RRP15: variants seen among roughly 807,000 people sequenced by gnomAD.
RRP15 encodes RRP15-like protein.
A neutral mutation model predicts 27.1 loss-of-function variants in RRP15; 18 were observed. That is an observed-to-expected ratio of 0.66 (90% CI 0.46 to 0.98). RRP15 has a LOEUF of 0.98. Among genes scored for constraint, RRP15 ranks in the 50% least tolerant of loss-of-function variants. RRP15 has a pLI of 0.00. For missense variants in RRP15, 359 were observed against 337.8 expected, an observed-to-expected ratio of 1.06 and a Z score of -0.49; for synonymous variants, 107 against 109.4, an observed-to-expected ratio of 0.98 and a Z score of 0.14.
rs191010637 is a variant in RRP15 at position 218,311,226 on chromosome 1, A to G, written c.705+3594A>G. Among the ~76,000 whole-genome samples, 16 of 152,280 alleles carry G rather than the reference A, an allele frequency of 1.1e-4. No homozygotes were observed. In the East Asian group the frequency reaches 3.1e-3, roughly 29 times the overall value. On this transcript the variant is annotated intron_variant, in intron 4 of 4. Transcript: ENST00000366932. ...TCTGGTATTTACCTCCATATCTTAAATAATATTTACACTATTTCTTTATCA... is the reference window on the plus strand; with the variant it reads ...TCTGGTATTTACCTCCATATCTTAAGTAATATTTACACTATTTCTTTATCA...
intron 4 of RRP15, among the ~76,000 whole-genome samples, chr1:218,327,364 A>AACCT (rs1391741166): frequency 6.6e-6 from 1 of 152,108 alleles, no homozygotes; most frequent in Admixed American, 6.5e-5. Context: ...GCTGGAGTGC[A>AACCT]GTGGTGTGAT....
At chr1:218,285,578 G>A in intron 1 of RRP15, 123 bp downstream of exon 1, 1 of 1,297,696 alleles carries the variant, frequency 7.7e-7, no homozygotes, top group Non-Finnish European at 1.1e-6. Flanking sequence ...CCACTTCAGA[G>A]GGGCGACTTT....
At position 218,334,512 on chromosome 1, in the gene RRP15, C is replaced by G. The variant is rs1420368981; in HGVS notation, c.*3421C>G. The G allele has an allele frequency of 1.3e-5, 2 of 152,128 alleles. No homozygotes were observed. 9.4% of individuals were successfully genotyped at this position (152,128 alleles called of 1,614,324 possible). A position where few individuals can be genotyped will look rare whatever the true frequency, so the allele number is the denominator to read the frequency against. On this transcript the variant is annotated 3_prime_UTR_variant, in exon 5 of 5. Transcript: ENST00000366932. ...GTGCTAACTTGAAGGAATTTAACTT[C>G]AAGGAAAGTTGACTGATGAAGTTTA... is the stretch of plus-strand genomic sequence containing the variant.
intron 4 of RRP15, among the ~76,000 whole-genome samples, chr1:218,316,290 A>G (rs1656088724): frequency 6.6e-6 from 1 of 152,194 alleles, no homozygotes; most frequent in Non-Finnish European, 1.5e-5. Flanking sequence ...CTATATGAAT[A>G]AATGTGCTAT....
intron 4 of RRP15, among the ~76,000 whole-genome samples, chr1:218,326,133 C>T (rs1325838369): frequency 6.6e-6 from 1 of 152,064 alleles, no homozygotes; most frequent in Non-Finnish European, 1.5e-5. Flanking sequence ...GGTGAAACCC[C>T]ATCTTTACTA....
At chr1:218,322,832 C>T (rs562516950) in intron 4 of RRP15, among the ~76,000 whole-genome samples, 7 of 152,274 alleles carry the variant, frequency 4.6e-5, no homozygotes, top group African/African-American at 1.7e-4. Flanking sequence ...GCCCACTCAG[C>T]CTGGCAGTCT....
chr1:218,295,766 A>G (rs965553095), intron 1 of RRP15, among the ~76,000 whole-genome samples: 22 of 152,200 alleles, frequency 1.4e-4, no homozygotes, highest in Admixed American at 1.4e-3. Flanking sequence ...GGCTCAGGAA[A>G]CAGACTACTT....
intron 1 of RRP15, among the ~76,000 whole-genome samples, chr1:218,295,949 T>C (rs1342091614): frequency 6.6e-6 from 1 of 152,148 alleles, no homozygotes; most frequent in Non-Finnish European, 1.5e-5. Flanking sequence ...CAATTTTGAA[T>C]ATTCTAAATT....
At chr1:218,330,882 T>C (rs1161855601) in intron 4 of RRP15, 66 bp from the exon 5 acceptor site, 2 of 1,452,508 alleles carry the variant, frequency 1.4e-6, no homozygotes, top group East Asian at 2.3e-5. Context: ...TTTTGTAGCT[T>C]GTACCTTTTT....
Position 218,337,764 on chromosome 1 carries a change from T to A in RRP15, c.*6673T>A, listed in dbSNP as rs1375898808. 1 of 152,192 alleles carries A rather than the reference T, an allele frequency of 6.6e-6. No homozygotes were observed. The highest frequency in any genetic ancestry group is 1.5e-5 in the Non-Finnish European group (1 of 68,014). The allele number at this position is 152,192 out of a possible 1,614,324, so 9.4% of individuals were successfully genotyped here. A position where few individuals can be genotyped will look rare whatever the true frequency, so the allele number is the denominator to read the frequency against. On this transcript the variant is annotated 3_prime_UTR_variant, in exon 5 of 5. Transcript: ENST00000366932. ...TATTTTTTGCTTACTTATTCTGTTC[T>A]AGAATCCAAACTCTACATACTGTTT...
Position 218,333,313 on chromosome 1 carries a change from C to T in RRP15, c.*2222C>T, listed in dbSNP as rs763310096. The T allele has an allele frequency of 3.9e-5, 6 of 151,948 alleles. No individual in the cohort carries two copies. Among genetic ancestry groups the T allele is most frequent in the Non-Finnish European group, 8.8e-5 (6 of 67,988 alleles). The allele number at this position is 151,948 out of a possible 1,614,324, so 9.4% of individuals were successfully genotyped here. A position where few individuals can be genotyped will look rare whatever the true frequency, so the allele number is the denominator to read the frequency against. On this transcript the variant is annotated 3_prime_UTR_variant, in exon 5 of 5. Coordinates refer to ENST00000366932, the MANE Select transcript of RRP15 (RefSeq NM_016052.4). Reference sequence around the variant, plus strand: ...TGCATCTTGGGTATTAAGCAAAATACCATATGTATAAATATGAAACCAGGA... The same window carrying T: ...TGCATCTTGGGTATTAAGCAAAATATCATATGTATAAATATGAAACCAGGA...
chr1:218,315,759 A>T (rs1558209340), intron 4 of RRP15, among the ~76,000 whole-genome samples: 1 of 151,868 alleles, frequency 6.6e-6, no homozygotes. Context: ...CCTGGCCAGG[A>T]TTTAGCTTTT....
intron 2 of RRP15, 177 bp downstream of exon 2, chr1:218,302,736 G>T (rs1207913028): frequency 2.1e-6 from 2 of 960,544 alleles, no homozygotes; most frequent in Non-Finnish European, 3.0e-6. Flanking sequence ...ATTCCATTGA[G>T]CATGTTCACT....
intron 1 of RRP15, among the ~76,000 whole-genome samples, chr1:218,299,191 A>C (rs1299062175): frequency 2.6e-5 from 4 of 152,078 alleles, no homozygotes; most frequent in Non-Finnish European, 5.9e-5. Flanking sequence ...TGGCATTTTT[A>C]ATTTGTTCAT....
intron 4 of RRP15, among the ~76,000 whole-genome samples, chr1:218,325,197 T>C (rs1252961754): frequency 6.6e-6 from 1 of 152,240 alleles, no homozygotes; most frequent in Non-Finnish European, 1.5e-5. Context: ...GCTTTCAGCA[T>C]GCCGTCCCAC....
At chr1:218,329,103 A>G (rs1656323505) in intron 4 of RRP15, among the ~76,000 whole-genome samples, 1 of 151,878 alleles carries the variant, frequency 6.6e-6, no homozygotes, top group Non-Finnish European at 1.5e-5. Context: ...TTTTTTATTT[A>G]AAGAAAACCT....
chr1:218,291,518 T>C (rs1655640386), intron 1 of RRP15, among the ~76,000 whole-genome samples: 1 of 149,640 alleles, frequency 6.7e-6, no homozygotes, highest in Non-Finnish European at 1.5e-5. Flanking sequence ...AAAGAAATCA[T>C]TGAATTTTCC....
intron 4 of RRP15, among the ~76,000 whole-genome samples, chr1:218,324,363 G>T (rs1656237708): frequency 1.3e-5 from 2 of 152,358 alleles, no homozygotes; most frequent in African/African-American, 4.8e-5. Flanking sequence ...CCAAGACGCG[G>T]CCGGCAGTGA....
At chr1:218,330,897 C>A (rs1436612611) in intron 4 of RRP15, 51 bp from the exon 5 acceptor site, 2 of 1,541,212 alleles carry the variant, frequency 1.3e-6, no homozygotes, top group Admixed American at 3.6e-5. Context: ...CTTTTTGTTT[C>A]CTTATGATGG....
Sources: gnomAD v4.1 joint callset for allele counts (sites outside exome capture counted in the v4.1 genomes callset) on GRCh38, gnomAD v4.1.1 for gene constraint, MANE v1.5 for transcripts, NCBI Gene and HGNC (gene_info 2026-07-23, HGNC 2026-07-21) for gene names.